Variants in TEX101 observed in about 807,000 individuals in gnomAD.
The protein encoded by TEX101 is testis-expressed protein 101.
A neutral mutation model predicts 18.1 loss-of-function variants in TEX101; 10 were observed. That is an observed-to-expected ratio of 0.55 (90% CI 0.34 to 0.94). The LOEUF (loss-of-function observed/expected upper bound fraction) is 0.94, where lower values mean the gene tolerates loss of function less well. TEX101 is among the 40% of genes least tolerant of loss of function. The pLI is 0.02. For synonymous variants in TEX101, 94 were observed against 114.8 expected, an observed-to-expected ratio of 0.82 and a Z score of 1.16; for missense variants, 259 against 298.9, an observed-to-expected ratio of 0.87 and a Z score of 0.98.
chr19:43,405,325 T>G (rs149230292), intron 2 of TEX101, among the ~76,000 whole-genome samples: 3,964 of 152,124 alleles, frequency 0.026, 63 homozygotes, highest in Middle Eastern at 0.099. Flanking sequence ...TCCCAGCACT[T>G]TGGGGGGCCG....
chr19:43,389,567 G>A, the TEX101 span, among the ~76,000 whole-genome samples: 1 of 152,006 alleles, frequency 6.6e-6, no homozygotes, highest in African/African-American at 2.4e-5. Context: ...CCTCCAAGCT[G>A]GCTTCATGAG....
chr19:43,403,397 T>C (rs141838480), intron 2 of TEX101, among the ~76,000 whole-genome samples: 11 of 152,184 alleles, frequency 7.2e-5, no homozygotes, highest in African/African-American at 2.4e-4. Context: ...TAGGTGGGAA[T>C]TGAACAATGA....
At chr19:43,408,556 C>T (rs2355987) in intron 3 of TEX101, among the ~76,000 whole-genome samples, 52,522 of 151,908 alleles carry the variant, frequency 0.35, 9,615 homozygotes, top group East Asian at 0.73. Context: ...TAGTGCTGTG[C>T]GTGCGTTCTG....
intron 3 of TEX101, 33 bp from the exon 4 acceptor site, chr19:43,416,340 C>T: frequency 6.3e-7 from 1 of 1,597,098 alleles, no homozygotes; most frequent in Non-Finnish European, 8.6e-7. Context: ...TGACGGCCAC[C>T]ATCCATTTCC....
At chr19:43,409,624 A>G (rs1970401364) in intron 3 of TEX101, among the ~76,000 whole-genome samples, 1 of 151,996 alleles carries the variant, frequency 6.6e-6, no homozygotes, top group Non-Finnish European at 1.5e-5. Context: ...AAAAAAAAAA[A>G]AAGAAAGAAA....
chr19:43,407,817 T>C (rs1395750553), intron 3 of TEX101, among the ~76,000 whole-genome samples: 1 of 152,208 alleles, frequency 6.6e-6, no homozygotes, highest in East Asian at 1.9e-4. Context: ...TGAGGCCCCA[T>C]GCGGAGAGCT....
At chr19:43,407,569 C>T (rs997787585) in intron 3 of TEX101, among the ~76,000 whole-genome samples, 5 of 152,136 alleles carry the variant, frequency 3.3e-5, no homozygotes, top group African/African-American at 9.7e-5. Flanking sequence ...GTTGATTTCA[C>T]GCTAGTGAGC....
intron 4 of TEX101, among the ~76,000 whole-genome samples, chr19:43,416,995 T>C (rs1970486532): frequency 7.0e-6 from 1 of 143,456 alleles, no homozygotes; most frequent in Non-Finnish European, 1.5e-5. Context: ...ATCACACCAC[T>C]GCACTTCAGC....
chr19:43,390,192 G>A, the TEX101 span, among the ~76,000 whole-genome samples: 1 of 152,014 alleles, frequency 6.6e-6, no homozygotes, highest in Admixed American at 6.6e-5. Flanking sequence ...GTTGTATTTA[G>A]ATGGCTCAGA....
the TEX101 span, among the ~76,000 whole-genome samples, chr19:43,393,121 A>C: frequency 6.6e-6 from 1 of 151,990 alleles, no homozygotes; most frequent in Non-Finnish European, 1.5e-5. Context: ...AGAAGGAAAG[A>C]CAGAAGGTAC....
At chr19:43,396,259 C>T in the TEX101 span, among the ~76,000 whole-genome samples, 7 of 152,272 alleles carry the variant, frequency 4.6e-5, no homozygotes, top group African/African-American at 9.6e-5. Context: ...CTGCCTGGGG[C>T]GGCAGGGAAG....
upstream of TEX101, among the ~76,000 whole-genome samples, chr19:43,398,765 G>A (rs1050370853): frequency 8.5e-5 from 13 of 152,050 alleles, no homozygotes; most frequent in African/African-American, 2.2e-4. Context: ...AGTAAGATAC[G>A]TCCTTCCAGA....
chr19:43,417,432 G>C (rs1229972586), intron 4 of TEX101, among the ~76,000 whole-genome samples: 2 of 152,178 alleles, frequency 1.3e-5, no homozygotes, highest in Non-Finnish European at 2.9e-5. Flanking sequence ...CTTTGTCCTT[G>C]CTGTTTCCTT....
At chr19:43,406,350 C>T (rs1474819990) in exon 3 of TEX101, 5 of 630,390 alleles carry the variant, frequency 7.9e-6, no homozygotes, top group Non-Finnish European at 1.4e-5. Flanking sequence ...ACGCTATTCC[C>T]ACCGTCCCTA....
chr19:43,405,448 C>T (rs1333419243), intron 2 of TEX101, among the ~76,000 whole-genome samples: 2 of 146,850 alleles, frequency 1.4e-5, no homozygotes, highest in East Asian at 4.1e-4. Context: ...CGAGGTGGCA[C>T]ATCTCTGTAA....
chr19:43,406,936 T>TG (rs113584582), intron 3 of TEX101, among the ~76,000 whole-genome samples: 9 of 137,064 alleles, frequency 6.6e-5, no homozygotes, highest in African/African-American at 1.7e-4. Flanking sequence ...TTTTTGTTTT[T>TG]TTTTTTTTTT....
Position 43,415,632 on chromosome 19 carries a change from G to A in TEX101, c.-39-249G>A, listed in dbSNP as rs1029519443. 4.6e-5 allele frequency among the ~76,000 whole-genome samples: 7 copies of A among 151,870 alleles called. No homozygotes were observed. In the East Asian group the frequency reaches 5.8e-4, roughly 13 times the overall value. The stretch of plus-strand genomic sequence containing the variant: ...CAAAAAATTCACTGGGTGTGGTGGC[G>A]GGCACCTGTAATCCCGGCTACTCGG... On this transcript the variant is annotated intron_variant, in intron 1 of 5. Coordinates refer to ENST00000598265, the MANE Select transcript of TEX101 (RefSeq NM_001130011.3).
At chr19:43,393,074 G>GGGAAGGAAGGAAGGAATGAAGGAA in the TEX101 span, among the ~76,000 whole-genome samples, 1 of 129,402 alleles carries the variant, frequency 7.7e-6, no homozygotes, top group African/African-American at 3.4e-5. Context: ...AAAGAAAGAA[G>GGGAAGGAAGGAAGGAATGAAGGAA]GGAAGGAAGG....
At chr19:43,394,602 C>T in the TEX101 span, among the ~76,000 whole-genome samples, 3 of 152,090 alleles carry the variant, frequency 2.0e-5, no homozygotes, top group African/African-American at 7.2e-5. Context: ...TCTGGAGTAG[C>T]TGGGACTACA....
Sources: allele counts gnomAD v4.1 joint callset (sites outside exome capture counted in the v4.1 genomes callset), GRCh38; gene constraint gnomAD v4.1.1; transcripts MANE v1.5; gene names NCBI Gene and HGNC (gene_info 2026-07-23, HGNC 2026-07-21).